Variants in PTPN14 observed in about 807,000 individuals in gnomAD.
PTPN14 encodes the protein tyrosine-protein phosphatase non-receptor type 14.
PTPN14 carries 53 observed loss-of-function variants against 126.8 expected under a neutral mutation model. The observed-to-expected ratio is 0.42, with a 90% CI of 0.34 to 0.53. PTPN14 has a LOEUF of 0.53. Ranked by LOEUF, PTPN14 falls within the 20% of genes least tolerant of loss-of-function variation. The pLI, the probability that PTPN14 is intolerant of heterozygous loss-of-function variation, is 0.08. For missense variants in PTPN14, 1,257 were observed against 1,552.9 expected, an observed-to-expected ratio of 0.81 and a Z score of 3.20; for synonymous variants, 630 against 599.3, an observed-to-expected ratio of 1.05 and a Z score of -0.75.
chr1:214,528,956 T>C (rs892423081), intron 1 of PTPN14: 3 of 148,934 alleles, frequency 2.0e-5, no homozygotes, highest in African/African-American at 7.4e-5. Context: ...AATTGAGGTA[T>C]GGTTGTTTTA....
chr1:214,372,918 C>A, intron 15 of PTPN14, 79 bp from the exon 16 acceptor site: 1 of 1,570,962 alleles, frequency 6.4e-7, no homozygotes. Flanking sequence ...CCATCTGTAT[C>A]CACCTTAAAA....
intron 9 of PTPN14, among the ~76,000 whole-genome samples, chr1:214,394,690 G>A (rs1010615726): frequency 6.6e-6 from 1 of 152,218 alleles, no homozygotes; most frequent in African/African-American, 2.4e-5. Flanking sequence ...TTACAGGCAT[G>A]AGCCAGAAAC....
intron 3 of PTPN14, among the ~76,000 whole-genome samples, chr1:214,420,996 A>C (rs971451625): frequency 2.4e-4 from 37 of 152,228 alleles, no homozygotes; most frequent in African/African-American, 8.7e-4. Context: ...AAAGTTTTTC[A>C]GTTCCTTCAG....
chr1:214,529,969 T>C (rs1655498542), intron 1 of PTPN14: 1 of 152,220 alleles, frequency 6.6e-6, no homozygotes, highest in African/African-American at 2.4e-5. Flanking sequence ...ATTCCTTGCA[T>C]TGAACATTCA....
chr1:214,369,522 A>C lies in PTPN14; in HGVS notation c.3206T>G (p.Val1069Gly), dbSNP rs780657216. The change falls in exon 17 of 19, where the codon GTG becomes GGG. Residue 1069 changes from valine (V) to glycine (G), a missense_variant. Physicochemically the swap from Val to Gly is moderately radical, Grantham distance 109. This residue lies in a region of PTPN14 where 171 missense variants were observed against 229.8 expected (regional missense o/e 0.74). Transcript: ENST00000366956. ...KHLLSGQERTVWHLQYTDWPD... is the reference protein window; with the variant it reads ...KHLLSGQERTGWHLQYTDWPD... ...CCAGTCAGTATATTGTAAATGCCACACCGTCCTTTCTTGCCCAGACAAAAG... is the reference window on the plus strand; with the variant it reads ...CCAGTCAGTATATTGTAAATGCCACCCCGTCCTTTCTTGCCCAGACAAAAG... 3 of 1,614,140 alleles carry C rather than the reference A, an allele frequency of 1.9e-6. No individual in the cohort carries two copies. Among genetic ancestry groups the C allele is most frequent in the Non-Finnish European group, 1.7e-6 (2 of 1,180,028 alleles).
intron 1 of PTPN14, among the ~76,000 whole-genome samples, chr1:214,538,539 A>G (rs1655762986): frequency 6.6e-6 from 1 of 152,240 alleles, no homozygotes. Context: ...AATTAGCTTG[A>G]CATAAGTAAA....
chr1:214,486,208 T>C (rs1392438571), intron 1 of PTPN14, among the ~76,000 whole-genome samples: 1 of 152,212 alleles, frequency 6.6e-6, no homozygotes, highest in Non-Finnish European at 1.5e-5. Flanking sequence ...TTACCATCTA[T>C]GGAGCACTTC....
chr1:214,384,292 A>G lies in PTPN14; in HGVS notation c.1563T>C (p.Asn521=), dbSNP rs199871474. The change falls in exon 13 of 19, where the codon AAT becomes AAC. Residue 521 remains asparagine, a synonymous_variant. Transcript: ENST00000366956. The surrounding 1 kb of genome is among the most constrained non-coding windows in gnomAD (Gnocchi z 5.3). The part of the protein sequence containing the change: ...VSPSDQRNPK[N]NVVPSKPGAS... ...CCCCCGGCTTGCTTGGTACCACATT[A>G]TTCTTTGGGTTCCTCTGGTCAGATG... 72 of 1,613,948 alleles carry G rather than the reference A, an allele frequency of 4.5e-5. No homozygotes were observed. The East Asian group carries it at 1.1e-3, about 24-fold the overall frequency.
chr1:214,410,231 T>C (rs944823386), intron 5 of PTPN14, among the ~76,000 whole-genome samples: 16 of 152,134 alleles, frequency 1.1e-4, no homozygotes, highest in African/African-American at 3.9e-4. Flanking sequence ...CAATGTCATG[T>C]AGCTTTTCCC....
intron 1 of PTPN14, among the ~76,000 whole-genome samples, chr1:214,497,428 CACAGGTAAA>C (rs1571623914): frequency 1.3e-5 from 2 of 152,202 alleles, no homozygotes; most frequent in Admixed American, 6.5e-5. Context: ...TTGGCATACA[CACAGGTAAA>C]ACATTTTTAA....
chr1:214,392,210 G>A (rs1227724073), intron 10 of PTPN14, among the ~76,000 whole-genome samples: 3 of 152,114 alleles, frequency 2.0e-5, no homozygotes, highest in African/African-American at 4.8e-5. Flanking sequence ...GAGAGAGAGC[G>A]AGAGAGAGTA....
At chr1:214,539,728 G>C (rs962978851) in intron 1 of PTPN14, among the ~76,000 whole-genome samples, 1 of 152,084 alleles carries the variant, frequency 6.6e-6, no homozygotes, top group African/African-American at 2.4e-5. Flanking sequence ...GAGGAGGAGG[G>C]AGGAAAGCAG....
Position 214,386,897 on chromosome 1 carries a change from G to A in PTPN14, c.1013C>T (p.Pro338Leu). 6.2e-7 allele frequency: 1 copy of A among 1,608,346 alleles called. No individual in the cohort carries two copies. Among genetic ancestry groups the A allele is most frequent in the East Asian group, 2.2e-5 (1 of 44,810 alleles). The change falls in exon 12 of 19, where the codon CCT becomes CTT. Residue 338 changes from proline (P) to leucine (L), a missense_variant. Physicochemically the swap from Pro to Leu is moderately conservative, Grantham distance 98. Transcript: ENST00000366956. ...SLPRQQPYIL[P>L]PVHVQCGEHY... ...CTCACCACACTGGACGTGAACGGGA[G>A]GCAGGATGTACGGCTGCTGCCTGGG...
chr1:214,533,454 A>G lies in PTPN14; in HGVS notation c.-155+17729T>C, dbSNP rs191381297. 1,121 of 457,666 alleles carry G rather than the reference A, an allele frequency of 2.4e-3. 5 individuals carry two copies. The highest frequency in any genetic ancestry group is 3.6e-3 in the South Asian group (182 of 50,660). 28.4% of individuals were successfully genotyped at this position (457,666 alleles called of 1,614,324 possible). On this transcript the variant is annotated intron_variant, in intron 1 of 18. Transcript: ENST00000366956. ...AGTGGTGTCTCAGTCCAACGACACT[A>G]AAGTTCTGAGACATTAAGCCAGCAG...
intron 9 of PTPN14, among the ~76,000 whole-genome samples, 159 bp from the exon 10 acceptor site, chr1:214,393,936 A>G (rs1235414921): frequency 6.6e-6 from 1 of 152,256 alleles, no homozygotes; most frequent in Admixed American, 6.5e-5. Flanking sequence ...GCTGAATTTC[A>G]GCAGCAGCTA....
At chr1:214,378,129 A>G (rs1466134123) in intron 13 of PTPN14, 27 bp from the exon 14 acceptor site, 1 of 1,589,976 alleles carries the variant, frequency 6.3e-7, no homozygotes. Context: ...GCATGTGCTC[A>G]TTGTTTATAA....
chr1:214,380,876 A>G (rs1350376599), intron 13 of PTPN14, among the ~76,000 whole-genome samples: 1 of 152,132 alleles, frequency 6.6e-6, no homozygotes, highest in Non-Finnish European at 1.5e-5. Flanking sequence ...CATTGTCACC[A>G]CCTTGCCTGG....
chr1:214,414,264 A>T (rs1458592273), intron 4 of PTPN14, among the ~76,000 whole-genome samples: 2 of 152,236 alleles, frequency 1.3e-5, no homozygotes, highest in Non-Finnish European at 2.9e-5. Flanking sequence ...AGAAGTTGTG[A>T]TAGTAACACC....
chr1:214,352,706 A>G lies in PTPN14; in HGVS notation c.*5216T>C, dbSNP rs779816125. 4.6e-5 allele frequency: 7 copies of G among 152,242 alleles called. No homozygotes were observed. Among genetic ancestry groups the G allele is most frequent in the Non-Finnish European group, 8.8e-5 (6 of 68,054 alleles). The allele number at this position is 152,242 out of a possible 1,614,324, so 9.4% of individuals were successfully genotyped here. On this transcript the variant is annotated 3_prime_UTR_variant, in exon 19 of 19. Transcript: ENST00000366956. ...TATAGGGCCAACTAGTGTGCCAACCATAAGGCTGTAGGCCATTGGAGAATT... is the reference window on the plus strand; with the variant it reads ...TATAGGGCCAACTAGTGTGCCAACCGTAAGGCTGTAGGCCATTGGAGAATT...
Sources: gnomAD v4.1 joint callset for allele counts (sites outside exome capture counted in the v4.1 genomes callset) on GRCh38, gnomAD v4.1.1 for gene constraint, gnomAD v4.1.1 regional missense constraint, Gnocchi (gnomAD v3.1) non-coding constraint, MANE v1.5 for transcripts, NCBI Gene and HGNC (gene_info 2026-07-23, HGNC 2026-07-21) for gene names.